The following MCF2L variants were observed in gnomAD, a reference collection of about 807,000 sequenced individuals.
MCF2L encodes MCF.2 cell line derived transforming sequence like, also known as guanine nucleotide exchange factor DBS.
Under a neutral mutation model 153.4 loss-of-function variants are expected in MCF2L, and 97 were observed. The observed-to-expected ratio is 0.63, with a 90% CI of 0.54 to 0.75. MCF2L has a LOEUF of 0.75. Among genes scored for constraint, MCF2L ranks in the 30% least tolerant of loss-of-function variants. The pLI, the probability that MCF2L is intolerant of heterozygous loss-of-function variation, is 0.00. For missense variants in MCF2L, 1,347 were observed against 1,495.2 expected, an observed-to-expected ratio of 0.90 and a Z score of 1.64; for synonymous variants, 659 against 632.2, an observed-to-expected ratio of 1.04 and a Z score of -0.64.
intron 3 of MCF2L, among the ~76,000 whole-genome samples, chr13:113,025,821 G>A (rs1233114141): frequency 1.5e-4 from 22 of 146,560 alleles, no homozygotes; most frequent in African/African-American, 3.6e-4. Context: ...ACTGTGGGTC[G>A]GGGCAGAGTC....
intron 4 of MCF2L, among the ~76,000 whole-genome samples, chr13:113,056,524 G>A (rs1337089925): frequency 7.1e-6 from 1 of 140,908 alleles, no homozygotes; most frequent in East Asian, 2.2e-4. Flanking sequence ...TGCTGAGTGG[G>A]TGCTGTGTGT....
At chr13:113,086,357 G>C in intron 21 of MCF2L, 108 bp downstream of exon 21, 1 of 1,503,152 alleles carries the variant, frequency 6.7e-7, no homozygotes, top group Non-Finnish European at 8.9e-7. Flanking sequence ...TGAATGTGCA[G>C]GTTCTGGGCA....
intron 1 of MCF2L, among the ~76,000 whole-genome samples, chr13:113,006,189 T>C (rs146305469): frequency 1.6e-3 from 244 of 152,284 alleles, no homozygotes; most frequent in African/African-American, 5.7e-3. Flanking sequence ...TGCGAGAGCC[T>C]CTCCATAGCC....
Position 113,041,375 on chromosome 13 carries a change from C to T in MCF2L, c.279-3896C>T, listed in dbSNP as rs1387181708. On this transcript the variant is annotated intron_variant, in intron 3 of 29. Transcript: ENST00000535094. ...CTCACGGTTTTGGGCAGTGCAGCCT[C>T]GGGAATGCCATGGGCCGTGGGGGGG... Among the ~76,000 whole-genome samples, 4 of 152,322 alleles carry T rather than the reference C, an allele frequency of 2.6e-5. No homozygotes were observed. The East Asian group carries it at 5.8e-4, about 22-fold the overall frequency.
At chr13:112,979,768 A>C (rs771262865) in intron 1 of MCF2L, 1 of 1,608,696 alleles carries the variant, frequency 6.2e-7, no homozygotes, top group Admixed American at 1.7e-5. Context: ...GGTGAGATAC[A>C]ATGGGGTCGC....
intron 2 of MCF2L, among the ~76,000 whole-genome samples, chr13:112,933,252 C>G (rs1007712142): frequency 6.6e-6 from 1 of 152,214 alleles, no homozygotes; most frequent in Non-Finnish European, 1.5e-5. Context: ...TCTCCTTGGG[C>G]TCTGTGTGCA....
chr13:112,953,223 C>T (rs1470414587), intron 2 of MCF2L, among the ~76,000 whole-genome samples: 1 of 152,182 alleles, frequency 6.6e-6, no homozygotes, highest in East Asian at 1.9e-4. Flanking sequence ...TCCAGGTCTG[C>T]TTTTCTGTAG....
At chr13:112,898,320 G>A (rs551294059) in intron 1 of MCF2L, among the ~76,000 whole-genome samples, 38 of 152,322 alleles carry the variant, frequency 2.5e-4, no homozygotes, top group African/African-American at 3.6e-4. Context: ...GGGCCTCTCC[G>A]CGCTCTACCC....
chr13:113,021,122 G>T (rs1382797488), intron 2 of MCF2L, among the ~76,000 whole-genome samples: 1 of 152,132 alleles, frequency 6.6e-6, no homozygotes, highest in Non-Finnish European at 1.5e-5. Flanking sequence ...ACATCCACAT[G>T]CATATGTGTG....
intron 2 of MCF2L, among the ~76,000 whole-genome samples, chr13:112,906,550 C>T (rs1171561962): frequency 6.6e-6 from 1 of 152,230 alleles, no homozygotes; most frequent in African/African-American, 2.4e-5. Flanking sequence ...GCTCTCCTCT[C>T]CCTGGCAGTG....
intron 1 of MCF2L, among the ~76,000 whole-genome samples, chr13:113,005,555 G>C (rs2083638447): frequency 6.6e-6 from 1 of 151,842 alleles, no homozygotes; most frequent in South Asian, 2.1e-4. Context: ...GTTCTGGGTG[G>C]CTGTGGTCTG....
rs759729246 is a variant in MCF2L at position 113,096,663 on chromosome 13, A to G, written c.3292+10A>G. The G allele has an allele frequency of 1.9e-6, 3 of 1,577,046 alleles. No homozygotes were observed. The South Asian group carries it at 3.4e-5, about 18-fold the overall frequency. Reference sequence around the variant, plus strand: ...TGCCTGAGCAGCTCAGGTAAGGCCCACGTGCCCCGAGCCCACCCGTGACGC... The same window carrying G: ...TGCCTGAGCAGCTCAGGTAAGGCCCGCGTGCCCCGAGCCCACCCGTGACGC... On this transcript the variant is annotated intron_variant, in intron 29 of 29. Coordinates refer to ENST00000535094, the MANE Select transcript of MCF2L (RefSeq NM_001112732.3).
At chr13:113,088,068 G>A (rs1433948325) in intron 23 of MCF2L, among the ~76,000 whole-genome samples, 1 of 152,202 alleles carries the variant, frequency 6.6e-6, no homozygotes, top group Non-Finnish European at 1.5e-5. Context: ...TGTGCATCTG[G>A]CACGCAGGGC....
chr13:112,958,830 A>G (rs2081789858), intron 2 of MCF2L, among the ~76,000 whole-genome samples: 1 of 152,180 alleles, frequency 6.6e-6, no homozygotes, highest in Admixed American at 6.5e-5. Context: ...GGCTAAGAGC[A>G]CCTGGAGGCT....
chr13:113,020,115 C>G (rs765361284), intron 2 of MCF2L, among the ~76,000 whole-genome samples: 1 of 152,202 alleles, frequency 6.6e-6, no homozygotes, highest in Non-Finnish European at 1.5e-5. Context: ...TTGATGTCAT[C>G]TCCACACTGG....
At position 113,031,866 on chromosome 13, in the gene MCF2L, C is replaced by CCA. The variant is rs56360016; in HGVS notation, c.278+7131_278+7132dup. On this transcript the variant is annotated intron_variant, in intron 3 of 29. Transcript: ENST00000535094. The surrounding 1 kb of genome is among the most constrained non-coding windows in gnomAD (Gnocchi z 5.5). Reference sequence around the variant, plus strand: ...ACGCACCTACACAGGCTTGCACATGCCACACACACACACACACACACACAG... The same window carrying CCA: ...ACGCACCTACACAGGCTTGCACATGCCACACACACACACACACACACACACAG... Among the ~76,000 whole-genome samples, 1,394 of 150,450 alleles carry CCA rather than the reference C, an allele frequency of 9.3e-3. 12 individuals are homozygous for CCA. The highest frequency in any genetic ancestry group is 0.021 in the Middle Eastern group (6 of 282).
intron 1 of MCF2L, among the ~76,000 whole-genome samples, chr13:112,901,311 G>A (rs562935620): frequency 8.0e-4 from 121 of 152,200 alleles, no homozygotes; most frequent in African/African-American, 2.7e-3. Flanking sequence ...CGGCCACCAC[G>A]CCTGGCTAAT....
At chr13:113,069,990 A>C in intron 8 of MCF2L, 69 bp from the exon 9 acceptor site, 1 of 1,072,260 alleles carries the variant, frequency 9.3e-7, no homozygotes. Flanking sequence ...TCGCTTGAAC[A>C]CCCACCGCGC....
intron 26 of MCF2L, chr13:113,090,713 C>G (rs2142087059): frequency 3.0e-6 from 3 of 985,428 alleles, no homozygotes; most frequent in Non-Finnish European, 3.6e-6. Context: ...TCTGGGAAGC[C>G]CTGAAGGCCA....
Sources: gnomAD v4.1 joint callset for allele counts (sites outside exome capture counted in the v4.1 genomes callset) on GRCh38, gnomAD v4.1.1 for gene constraint, Gnocchi (gnomAD v3.1) non-coding constraint, MANE v1.5 for transcripts, NCBI Gene and HGNC (gene_info 2026-07-23, HGNC 2026-07-21) for gene names.